Variants in ZNF174 observed in about 807,000 individuals in gnomAD.
ZNF174 encodes AW-1.
A neutral mutation model predicts 38.7 loss-of-function variants in ZNF174; 30 were observed. The ratio of observed to expected loss-of-function variants is 0.78; its 90% CI spans 0.58 to 1.05. The LOEUF is 1.05. ZNF174 is among the 50% of genes least tolerant of loss of function. The pLI is 0.00. For synonymous variants in ZNF174, 201 were observed against 181.7 expected, an observed-to-expected ratio of 1.11 and a Z score of -0.86; for missense variants, 499 against 495.6, an observed-to-expected ratio of 1.01 and a Z score of -0.06.
intron 2 of ZNF174, chr16:3,404,959 T>C: frequency 6.2e-7 from 1 of 1,614,184 alleles, no homozygotes; most frequent in Non-Finnish European, 8.5e-7. Context: ...TGAACTTCCA[T>C]GCAAGCTATG....
Position 3,408,523 on chromosome 16 carries a change from C to T in ZNF174, c.828C>T (p.Tyr276=). The part of the protein sequence containing the change: ...SPNAQKPFAH[Y]QRHCRVEYIS... The stretch of plus-strand genomic sequence containing the variant: ...ATGCTCAAAAGCCATTTGCTCACTA[C>T]CAGAGACATTGCAGGGTGGAATACA... The change falls in exon 3 of 3, where the codon TAC becomes TAT. Residue 276 remains tyrosine, a synonymous_variant. Coordinates refer to ENST00000268655, the MANE Select transcript of ZNF174 (RefSeq NM_003450.3). The T allele has an allele frequency of 6.2e-7, 1 of 1,614,098 alleles. No homozygotes were observed. The highest frequency in any genetic ancestry group is 8.5e-7 in the Non-Finnish European group (1 of 1,180,036).
intron 2 of ZNF174, 60 bp downstream of exon 2, chr16:3,404,708 A>G: frequency 1.3e-6 from 2 of 1,588,810 alleles, no homozygotes; most frequent in Non-Finnish European, 1.7e-6. Context: ...AATGTATCTC[A>G]TGGTTCTGCA....
rs2034084428 is a variant in ZNF174, at chr16:3,408,516, C to G, written c.821C>G (p.Ala274Gly). Residue 274 changes from alanine to glycine, a missense_variant, in exon 3 of 3, where the codon GCT becomes GGT. Coordinates refer to ENST00000268655, the MANE Select transcript of ZNF174 (RefSeq NM_003450.3). ...VSSPNAQKPF[A>G]HYQRHCRVEY... Reference sequence around the variant, plus strand: ...TCCCCAAATGCTCAAAAGCCATTTGCTCACTACCAGAGACATTGCAGGGTG... The same window carrying G: ...TCCCCAAATGCTCAAAAGCCATTTGGTCACTACCAGAGACATTGCAGGGTG... The G allele has an allele frequency of 6.2e-7, 1 of 1,614,072 alleles. No individual in the cohort carries two copies. The highest frequency in any genetic ancestry group is 1.1e-5 in the South Asian group (1 of 91,090).
chr16:3,402,452 T>TA, intron 1 of ZNF174, 46 bp downstream of exon 1: 6 of 1,405,036 alleles, frequency 4.3e-6, no homozygotes, highest in Non-Finnish European at 5.7e-6. Flanking sequence ...CTTTTTCTTT[T>TA]CTTTTTTTTT....
intron 2 of ZNF174, among the ~76,000 whole-genome samples, chr16:3,407,283 C>G (rs2034068721): frequency 6.6e-6 from 1 of 152,162 alleles, no homozygotes; most frequent in African/African-American, 2.4e-5. Flanking sequence ...CCTCCCAAGA[C>G]CACTGCACTG....
chr16:3,404,947 G>A lies in ZNF174; in HGVS notation c.625+299G>A, dbSNP rs763637108. The stretch of plus-strand genomic sequence containing the variant: ...AAAGACAGATCCAAATATGGCCACA[G>A]ATGAACTTCCATGCAAGCTATGGCT... On this transcript the variant is annotated intron_variant, in intron 2 of 2. Coordinates refer to ENST00000268655, the MANE Select transcript of ZNF174 (RefSeq NM_003450.3). 22 of 1,614,082 alleles carry A rather than the reference G, an allele frequency of 1.4e-5. No homozygotes were observed. In the Admixed American group the frequency reaches 3.7e-4, roughly 27 times the overall value.
Position 3,404,657 on chromosome 16 carries a change from T to G in ZNF174, c.625+9T>G. The G allele has an allele frequency of 6.2e-7, 1 of 1,614,008 alleles. No homozygotes were observed. The highest frequency in any genetic ancestry group is 8.5e-7 in the Non-Finnish European group (1 of 1,179,858). ...CAAATTGGCTGGGACAGGTAAACACTCTGCCTTTTCTCTCCCTCTCATCAG... is the reference window on the plus strand; with the variant it reads ...CAAATTGGCTGGGACAGGTAAACACGCTGCCTTTTCTCTCCCTCTCATCAG... On this transcript the variant is annotated intron_variant, in intron 2 of 2. Transcript: ENST00000268655.
At chr16:3,408,165 G>A (rs1202578884) in intron 2 of ZNF174, among the ~76,000 whole-genome samples, 156 bp from the exon 3 acceptor site, 3 of 152,162 alleles carry the variant, frequency 2.0e-5, no homozygotes, top group African/African-American at 7.2e-5. Context: ...GGGGAAGGGT[G>A]AAGAGCCTGC....
In ZNF174 at chr16:3,408,727, C is replaced by G; in HGVS notation, c.1032C>G (p.His344Gln). Reference protein sequence around the residue: ...SFTWNSELKRHKRVHTGERPY... With the variant: ...SFTWNSELKRQKRVHTGERPY... ...CGTGGAATTCAGAGCTGAAGAGACA[C>G]AAGAGAGTCCACACAGGAGAGAGAC... Residue 344 changes from histidine to glutamine, a missense_variant, in exon 3 of 3, where the codon CAC becomes CAG. By Grantham distance (24) the His-to-Gln change is conservative. Coordinates refer to ENST00000268655, the MANE Select transcript of ZNF174 (RefSeq NM_003450.3). The G allele has an allele frequency of 6.2e-7, 1 of 1,614,066 alleles. No homozygotes were observed. Among genetic ancestry groups the G allele is most frequent in the Non-Finnish European group, 8.5e-7 (1 of 1,180,002 alleles).
In ZNF174 at chr16:3,402,110, C is replaced by CA. The variant is rs778043537; in HGVS notation, c.113dup (p.Asn38LysfsTer6). On this transcript the variant is annotated frameshift_variant, in exon 1 of 3. Transcript: ENST00000268655. LOFTEE classifies it high-confidence loss of function. ...AGAAGAGAAACGGGGCCCTCCTCTG[C>CA]AAAAAAACTGCCCAGATCCTGAGCT... 43 of 1,613,966 alleles carry CA rather than the reference C, an allele frequency of 2.7e-5. No individual in the cohort carries two copies. The highest frequency in any genetic ancestry group is 3.2e-5 in the Non-Finnish European group (38 of 1,180,014).
At chr16:3,402,451 T>TTA in intron 1 of ZNF174, 45 bp downstream of exon 1, 32 of 1,414,236 alleles carry the variant, frequency 2.3e-5, no homozygotes, top group Non-Finnish European at 2.6e-5. Flanking sequence ...TCTTTTTCTT[T>TTA]TCTTTTTTTT....
rs774533146 is a variant in ZNF174, at chr16:3,409,086, G to A, written c.*167G>A. 2.8e-6 allele frequency: 2 copies of A among 725,026 alleles called. No individual in the cohort carries two copies. Among genetic ancestry groups the A allele is most frequent in the Non-Finnish European group, 4.5e-6 (2 of 441,064 alleles). 44.9% of individuals were successfully genotyped at this position (725,026 alleles called of 1,614,324 possible). ...AGGAGGCCCAGAAAAGGCCAACCAG[G>A]GCCCAACCGTGCATGATGACAGGGT... On this transcript the variant is annotated 3_prime_UTR_variant, in exon 3 of 3. Transcript: ENST00000268655.
chr16:3,409,006 G>A lies in ZNF174; in HGVS notation c.*87G>A, dbSNP rs1208001965. 3 of 1,354,116 alleles carry A rather than the reference G, an allele frequency of 2.2e-6. No individual in the cohort carries two copies. Among genetic ancestry groups the A allele is most frequent in the Admixed American group, 2.2e-5 (1 of 45,272 alleles). The allele number at this position is 1,354,116 out of a possible 1,614,324, so 83.9% of individuals were successfully genotyped here. On this transcript the variant is annotated 3_prime_UTR_variant, in exon 3 of 3. Transcript: ENST00000268655. ...TGCATGTAAATCACAAAAACTGTGTGACTTACAAGGAAAGCACGAGGCCCT... is the reference window on the plus strand; with the variant it reads ...TGCATGTAAATCACAAAAACTGTGTAACTTACAAGGAAAGCACGAGGCCCT...
chr16:3,401,821 C>A lies in ZNF174; in HGVS notation c.-184C>A, dbSNP rs1487410167. On this transcript the variant is annotated 5_prime_UTR_variant, in exon 1 of 3. Coordinates refer to ENST00000268655, the MANE Select transcript of ZNF174 (RefSeq NM_003450.3). ...AAACTCTTCCCACTCCCAGGGACCG[C>A]GTTGTCTTGAGTTTGGCTAGTAAAG... 1.3e-5 allele frequency: 9 copies of A among 676,956 alleles called. No homozygotes were observed. The East Asian group carries it at 2.6e-4, about 19-fold the overall frequency. The allele number at this position is 676,956 out of a possible 1,614,324, so 41.9% of individuals were successfully genotyped here. A position where few individuals can be genotyped will look rare whatever the true frequency, so the allele number is the denominator to read the frequency against.
chr16:3,402,837 GA>G (rs1440850900), intron 1 of ZNF174, among the ~76,000 whole-genome samples: 1 of 152,154 alleles, frequency 6.6e-6, no homozygotes, highest in Non-Finnish European at 1.5e-5. Context: ...GATGGCTTCA[GA>G]AGTTGCTTCC....
chr16:3,406,547 C>G (rs2034058827), intron 2 of ZNF174, among the ~76,000 whole-genome samples: 1 of 152,208 alleles, frequency 6.6e-6, no homozygotes, highest in Non-Finnish European at 1.5e-5. Flanking sequence ...TGTTGAACAT[C>G]TTTTCATGTG....
chr16:3,404,520 C>A lies in ZNF174; in HGVS notation c.497C>A (p.Pro166His). 1 of 1,614,158 alleles carries A rather than the reference C, an allele frequency of 6.2e-7. No homozygotes were observed. The highest frequency in any genetic ancestry group is 8.5e-7 in the Non-Finnish European group (1 of 1,180,020). ...QELPDFQPQT[P>H]RRDLRESSPA... is the part of the protein sequence containing the mutation. ...CTGCCAGACTTTCAACCGCAGACTCCTAGGAGAGATCTCAGGGAGAGCTCT... is the reference window on the plus strand; with the variant it reads ...CTGCCAGACTTTCAACCGCAGACTCATAGGAGAGATCTCAGGGAGAGCTCT... Residue 166 changes from proline to histidine, a missense_variant, in exon 2 of 3, where the codon CCT (proline) becomes CAT (histidine). Coordinates refer to ENST00000268655, the MANE Select transcript of ZNF174 (RefSeq NM_003450.3).
intron 2 of ZNF174, among the ~76,000 whole-genome samples, chr16:3,407,276 C>T (rs1485055913): frequency 2.0e-5 from 3 of 152,176 alleles, no homozygotes; most frequent in African/African-American, 7.2e-5. Context: ...TGCCCCACCT[C>T]CCAAGACCAC....
intron 1 of ZNF174, among the ~76,000 whole-genome samples, chr16:3,403,732 C>T (rs1358489916): frequency 1.3e-5 from 2 of 152,080 alleles, no homozygotes; most frequent in Non-Finnish European, 2.9e-5. Context: ...GGCGATCCGC[C>T]CGTCTTGACC....
Sources: gnomAD v4.1 joint callset for allele counts (sites outside exome capture counted in the v4.1 genomes callset) on GRCh38, gnomAD v4.1.1 for gene constraint, MANE v1.5 for transcripts, NCBI Gene and HGNC (gene_info 2026-07-23, HGNC 2026-07-21) for gene names.